Variants in ITGB3BP observed in about 807,000 individuals in gnomAD.
ITGB3BP encodes the protein centromere protein R.
A neutral mutation model predicts 29.1 loss-of-function variants in ITGB3BP; 27 were observed. That is an observed-to-expected ratio of 0.93 (90% CI 0.68 to 1.28). The LOEUF is 1.28. Ranked by LOEUF, ITGB3BP falls within the 50% of genes most tolerant of loss-of-function variation. ITGB3BP has a pLI of 0.00. For synonymous variants in ITGB3BP, 61 were observed against 61.4 expected (o/e 0.99, Z 0.03); for missense variants, 192 against 200.2 (o/e 0.96, Z 0.25).
upstream of ITGB3BP, chr1:63,523,286 GCGA>G (rs1557663995): frequency 8.4e-6 from 8 of 953,696 alleles, no homozygotes; most frequent in African/African-American, 1.6e-5. Flanking sequence ...CATCCTCCCC[GCGA>G]CGAAGGATCC....
chr1:63,470,925 A>G (rs1645185057), intron 4 of ITGB3BP, among the ~76,000 whole-genome samples: 1 of 152,164 alleles, frequency 6.6e-6, no homozygotes, highest in East Asian at 1.9e-4. Context: ...AGATCTACCC[A>G]GTATTTTCCT....
chr1:63,482,464 CAA>C (rs1645455352), intron 3 of ITGB3BP, among the ~76,000 whole-genome samples: 1 of 151,524 alleles, frequency 6.6e-6, no homozygotes, highest in African/African-American at 2.4e-5. Context: ...GGTGGTCAAA[CAA>C]AAGTTAGTAA....
intron 4 of ITGB3BP, chr1:63,457,231 C>G (rs1347214900): frequency 6.6e-6 from 1 of 151,922 alleles, no homozygotes; most frequent in Non-Finnish European, 1.5e-5. Context: ...TCAAGGCATT[C>G]TTTTCCACAC....
chr1:63,450,990 A>T (rs932180775), intron 7 of ITGB3BP, among the ~76,000 whole-genome samples: 4 of 151,940 alleles, frequency 2.6e-5, no homozygotes, highest in African/African-American at 9.7e-5. Flanking sequence ...TTTATTTAAA[A>T]CACTAGAGTG....
chr1:63,480,640 AC>A (rs1314003018), intron 3 of ITGB3BP, among the ~76,000 whole-genome samples: 5 of 152,066 alleles, frequency 3.3e-5, no homozygotes, highest in African/African-American at 9.6e-5. Flanking sequence ...CTCAAAAAAA[AC>A]AAAACAAAAA....
chr1:63,495,791 G>A (rs1436914495), intron 2 of ITGB3BP, among the ~76,000 whole-genome samples: 1 of 152,060 alleles, frequency 6.6e-6, no homozygotes, highest in Non-Finnish European at 1.5e-5. Context: ...CTCCACTCTA[G>A]GCAACCCCTT....
chr1:63,512,937 G>A (rs1005045912), intron 1 of ITGB3BP, among the ~76,000 whole-genome samples: 2 of 152,094 alleles, frequency 1.3e-5, no homozygotes, highest in African/African-American at 4.8e-5. Flanking sequence ...CATTTTTCAA[G>A]ACTGCAGGCC....
intron 2 of ITGB3BP, among the ~76,000 whole-genome samples, chr1:63,504,212 T>G (rs1442890126): frequency 6.6e-6 from 1 of 151,970 alleles, no homozygotes; most frequent in Non-Finnish European, 1.5e-5. Context: ...GTAGTTCTCC[T>G]TAAAGAGGTC....
chr1:63,442,886 A>AT (rs1285870678), intron 8 of ITGB3BP: 6 of 152,228 alleles, frequency 3.9e-5, no homozygotes, highest in African/African-American at 1.4e-4. Flanking sequence ...ATTCATCCAC[A>AT]TTGTTACTAA....
At chr1:63,446,195 A>G (rs1299299981) in intron 8 of ITGB3BP, among the ~76,000 whole-genome samples, 8 of 152,164 alleles carry the variant, frequency 5.3e-5, no homozygotes, top group African/African-American at 1.9e-4. Context: ...CACCATGCCC[A>G]GCCAATGTCA....
chr1:63,493,431 A>G (rs764677259), intron 2 of ITGB3BP, among the ~76,000 whole-genome samples: 1 of 151,198 alleles, frequency 6.6e-6, no homozygotes, highest in Non-Finnish European at 1.5e-5. Context: ...CAAACAAACA[A>G]ACAAACAAAC....
intron 4 of ITGB3BP, 67 bp downstream of exon 4, chr1:63,478,697 C>T: frequency 6.7e-6 from 5 of 748,206 alleles, no homozygotes; most frequent in Non-Finnish European, 1.1e-5. Context: ...TTTAAACGGT[C>T]ACTTTAACAA....
chr1:63,494,573 T>G (rs947593676), intron 2 of ITGB3BP, among the ~76,000 whole-genome samples: 1 of 152,162 alleles, frequency 6.6e-6, no homozygotes, highest in South Asian at 2.1e-4. Context: ...GACCAATATA[T>G]TAGAGCTATG....
At chr1:63,511,786 G>A (rs1034992882) in intron 1 of ITGB3BP, among the ~76,000 whole-genome samples, 5 of 151,834 alleles carry the variant, frequency 3.3e-5, no homozygotes, top group Admixed American at 1.3e-4. Flanking sequence ...GAGGGAGTGA[G>A]GAATGGGAAA....
intron 7 of ITGB3BP, among the ~76,000 whole-genome samples, chr1:63,452,862 T>C (rs2100497718): frequency 6.6e-6 from 1 of 152,258 alleles, no homozygotes; most frequent in Non-Finnish European, 1.5e-5. Context: ...CACTTTCCAT[T>C]GCCAACCGAT....
intron 8 of ITGB3BP, among the ~76,000 whole-genome samples, chr1:63,446,275 CTTAT>C (rs1286590714): frequency 2.0e-5 from 3 of 152,112 alleles, no homozygotes; most frequent in African/African-American, 4.8e-5. Flanking sequence ...TTGCTTTTGG[CTTAT>C]TTGTTATAAT....
chr1:63,523,211 G>T lies in ITGB3BP; in HGVS notation c.-78C>A. On this transcript the variant is annotated 5_prime_UTR_variant, in exon 1 of 9. Transcript: ENST00000271002. ...TCCGAAAACAGAAAATCCGCCAAAG[G>T]AAACGCCAAGGCATGAAAAGCGCGC... 6.2e-7 allele frequency: 1 copy of T among 1,600,246 alleles called. No homozygotes were observed. The highest frequency in any genetic ancestry group is 8.6e-7 in the Non-Finnish European group (1 of 1,169,274).
At chr1:63,497,209 T>G (rs1038117828) in intron 2 of ITGB3BP, among the ~76,000 whole-genome samples, 1 of 152,008 alleles carries the variant, frequency 6.6e-6, no homozygotes. Context: ...GGAGGTTGAG[T>G]TGGGAGGATC....
chr1:63,474,674 T>TA (rs1251990523), intron 4 of ITGB3BP, among the ~76,000 whole-genome samples: 4 of 152,030 alleles, frequency 2.6e-5, no homozygotes, highest in Admixed American at 6.5e-5. Flanking sequence ...TGTGCTTTGT[T>TA]AAACAGATGC....
Sources: allele counts gnomAD v4.1 joint callset (sites outside exome capture counted in the v4.1 genomes callset), GRCh38; gene constraint gnomAD v4.1.1; transcripts MANE v1.5; gene names NCBI Gene and HGNC (gene_info 2026-07-23, HGNC 2026-07-21).